Variants in MIA3 observed in about 807,000 individuals in gnomAD.
The protein encoded by MIA3 is MIA SH3 domain ER export factor 3.
MIA3 carries 90 observed loss-of-function variants against 192.4 expected under a neutral mutation model. The observed-to-expected ratio is 0.47, with a 90% confidence interval of 0.39 to 0.56. MIA3 has a LOEUF of 0.56. MIA3 is among the 20% of genes least tolerant of loss of function. MIA3 has a pLI of 0.00. For missense variants in MIA3, 2,123 were observed against 2,269.4 expected, an observed-to-expected ratio of 0.94 and a Z score of 1.31; for synonymous variants, 740 against 792.8, an observed-to-expected ratio of 0.93 and a Z score of 1.12.
At chr1:222,642,398 A>AT (rs1187216980) in intron 6 of MIA3, among the ~76,000 whole-genome samples, 2 of 152,178 alleles carry the variant, frequency 1.3e-5, no homozygotes, top group Non-Finnish European at 2.9e-5. Context: ...AGTATATAAA[A>AT]TTATTTTCTT....
rs760774654 is a variant in MIA3 at position 222,629,736 on chromosome 1, C to T, written c.2516C>T (p.Pro839Leu). ...DFSDSIKIQT[P>L]ELGEVFQNKD... ...TCTGACAGCATAAAAATTCAGACTCCAGAATTAGGTGAAGTGTTTCAGAAT... is the reference window on the plus strand; with the variant it reads ...TCTGACAGCATAAAAATTCAGACTCTAGAATTAGGTGAAGTGTTTCAGAAT... Residue 839 changes from proline (P) to leucine (L), a missense_variant, in exon 4 of 28, where the codon CCA (proline) becomes CTA (leucine). Pro to Leu is a moderately conservative substitution (Grantham distance 98, BLOSUM62 -3). Coordinates refer to ENST00000344922, the MANE Select transcript of MIA3 (RefSeq NM_198551.4). 1 of 1,614,136 alleles carries T rather than the reference C, an allele frequency of 6.2e-7. No individual in the cohort carries two copies. The highest frequency in any genetic ancestry group is 1.7e-5 in the Admixed American group (1 of 60,016).
At chr1:222,647,906 T>C in intron 7 of MIA3, 1 of 375,508 alleles carries the variant, frequency 2.7e-6, no homozygotes, top group East Asian at 7.9e-5. Flanking sequence ...ACTGGAATTA[T>C]TATGTATACA....
chr1:222,664,155 T>A lies in MIA3; in HGVS notation c.5413+7T>A, dbSNP rs1215415390. ...CCACTTCCTCCACCCTTTGGTAAGA[T>A]GATCTGAACAGTAGTAATTGACTTG... On this transcript the variant is annotated splice_region_variant and intron_variant, in intron 27 of 27. Transcript: ENST00000344922. 1.9e-6 allele frequency: 3 copies of A among 1,613,762 alleles called. No individual in the cohort carries two copies. The highest frequency in any genetic ancestry group is 2.2e-5 in the East Asian group (1 of 44,898).
Position 222,628,014 on chromosome 1 carries a change from A to C in MIA3, c.794A>C (p.Lys265Thr). Residue 265 changes from lysine to threonine, a missense_variant, in exon 4 of 28, where the codon AAA becomes ACA. By Grantham distance (78) the Lys-to-Thr change is moderately conservative. Transcript: ENST00000344922. ...GAACAGGATAAGATTGATGCCTATAAACTTTTGAAAAAAGAAATGACTCTA... is the reference window on the plus strand; with the variant it reads ...GAACAGGATAAGATTGATGCCTATACACTTTTGAAAAAAGAAATGACTCTA... ...SNEQDKIDAY[K>T]LLKKEMTLDL... 1 of 1,614,170 alleles carries C rather than the reference A, an allele frequency of 6.2e-7. No individual in the cohort carries two copies. Among genetic ancestry groups the C allele is most frequent in the Non-Finnish European group, 8.5e-7 (1 of 1,180,034 alleles).
intron 6 of MIA3, chr1:222,642,007 AT>A: frequency 3.1e-6 from 1 of 324,048 alleles, no homozygotes; most frequent in Non-Finnish European, 6.0e-6. Context: ...ATGTGGGTGA[AT>A]TTCAAATTAT....
At chr1:222,636,745 C>G (rs182954440) in intron 6 of MIA3, among the ~76,000 whole-genome samples, 14 of 152,226 alleles carry the variant, frequency 9.2e-5, no homozygotes, top group South Asian at 6.2e-4. Context: ...AACTCCTGAC[C>G]TCGTGATCCA....
intron 2 of MIA3, among the ~76,000 whole-genome samples, chr1:222,621,792 C>T (rs947364267): frequency 1.3e-5 from 2 of 149,668 alleles, no homozygotes; most frequent in African/African-American, 4.9e-5. Context: ...TGTTGTTTCT[C>T]GTGTGCTTTC....
Position 222,618,146 on chromosome 1 carries a change from C to G in MIA3, c.36C>G (p.Leu12=). Residue 12 remains leucine (L), a synonymous_variant, in exon 1 of 28, where the codon CTC becomes CTG. Coordinates refer to ENST00000344922, the MANE Select transcript of MIA3 (RefSeq NM_198551.4). ...AAAPGLLVWL[L]VLRLPWRVPG... is the part of the protein sequence containing the mutation. ...CGCCTGGGCTGCTCGTCTGGCTGCT[C>G]GTGCTCCGGCTGCCCTGGCGGGTGC... 4 of 1,508,646 alleles carry G rather than the reference C, an allele frequency of 2.7e-6. No homozygotes were observed. The highest frequency in any genetic ancestry group is 3.5e-6 in the Non-Finnish European group (4 of 1,130,312). The allele number at this position is 1,508,646 out of a possible 1,614,324, so 93.5% of individuals were successfully genotyped here. A position where few individuals can be genotyped will look rare whatever the true frequency, so the allele number is the denominator to read the frequency against.
At chr1:222,646,687 T>G (rs1382283070) in intron 7 of MIA3, among the ~76,000 whole-genome samples, 1 of 150,842 alleles carries the variant, frequency 6.6e-6, no homozygotes, top group Non-Finnish European at 1.5e-5. Context: ...GGGAAGCAGA[T>G]CATGCCACTG....
chr1:222,626,162 G>A (rs187535642), intron 3 of MIA3, among the ~76,000 whole-genome samples: 1 of 152,346 alleles, frequency 6.6e-6, no homozygotes. Flanking sequence ...GAGCGTGCAA[G>A]CTGCTGGGCT....
In MIA3 at chr1:222,654,250, G is replaced by T; in HGVS notation, c.4329G>T (p.Arg1443=). The change falls in exon 16 of 28, where the codon CGG becomes CGT. Residue 1443 remains arginine (R), a synonymous_variant. Transcript: ENST00000344922. ...AAGCCTTTTGTTTTTTAGGTGACCG[G>T]AATGAGAAGATGAAAAATCAAATTA... ...ELANGEVGGD[R]NEKMKNQIKQ... 6.2e-7 allele frequency: 1 copy of T among 1,613,804 alleles called. No homozygotes were observed. Among genetic ancestry groups the T allele is most frequent in the Non-Finnish European group, 8.5e-7 (1 of 1,179,894 alleles).
intron 17 of MIA3, 85 bp downstream of exon 17, chr1:222,654,564 C>T (rs1663608302): frequency 2.6e-6 from 4 of 1,552,336 alleles, no homozygotes; most frequent in Non-Finnish European, 3.5e-6. Context: ...TTCCTGCTTT[C>T]ATACTTCTCA....
At chr1:222,637,600 T>C (rs139900897) in intron 6 of MIA3, among the ~76,000 whole-genome samples, 23 of 152,306 alleles carry the variant, frequency 1.5e-4, no homozygotes, top group Non-Finnish European at 2.5e-4. Context: ...CCAAAGGGTT[T>C]TGTTTTTTTC....
At chr1:222,631,574 A>C (rs1166230164) in intron 4 of MIA3, among the ~76,000 whole-genome samples, 2 of 152,236 alleles carry the variant, frequency 1.3e-5, no homozygotes, top group African/African-American at 2.4e-5. Flanking sequence ...TTGGATAAGA[A>C]GGCAATATTC....
chr1:222,621,256 A>T lies in MIA3; in HGVS notation c.231A>T (p.Lys77Asn). The T allele has an allele frequency of 6.2e-7, 1 of 1,612,896 alleles. No individual in the cohort carries two copies. The highest frequency in any genetic ancestry group is 1.1e-5 in the South Asian group (1 of 90,626). ...GTGATCCTGTATATGTTTACTATAAACTGGCAAGAGGATGGCCTGAAGTTT... is the reference window on the plus strand; with the variant it reads ...GTGATCCTGTATATGTTTACTATAATCTGGCAAGAGGATGGCCTGAAGTTT... ...KKGDPVYVYY[K>N]LARGWPEVWA... Residue 77 changes from lysine to asparagine, a missense_variant, in exon 2 of 28, where the codon AAA (lysine) becomes AAT (asparagine). By Grantham distance (94) the Lys-to-Asn change is moderately conservative. Around this residue, in one of 3 missense-constraint regions of MIA3, gnomAD observed 1,357 missense variants for 1,396.1 expected, o/e 0.97. Coordinates refer to ENST00000344922, the MANE Select transcript of MIA3 (RefSeq NM_198551.4).
intron 2 of MIA3, among the ~76,000 whole-genome samples, chr1:222,623,470 T>G (rs1178798002): frequency 1.3e-5 from 2 of 152,198 alleles, no homozygotes; most frequent in Non-Finnish European, 2.9e-5. Flanking sequence ...CTTAGGAAAT[T>G]AAAAACTCTG....
chr1:222,651,982 A>G lies in MIA3; in HGVS notation c.3915A>G (p.Ser1305=), dbSNP rs377431074. Residue 1305 remains serine, a synonymous_variant, in exon 12 of 28, where the codon TCA becomes TCG. Transcript: ENST00000344922. Reference sequence around the variant, plus strand: ...GTTCTGTTTTTACATGGCAGATATCAGAAAACAAGAAATCTATAGAGAAGT... The same window carrying G: ...GTTCTGTTTTTACATGGCAGATATCGGAAAACAAGAAATCTATAGAGAAGT... ...EQNVKNQDLI[S]ENKKSIEKLK... 111 of 1,549,682 alleles carry G rather than the reference A, an allele frequency of 7.2e-5. No individual in the cohort carries two copies. Among genetic ancestry groups the G allele is most frequent in the Non-Finnish European group, 9.7e-5 (109 of 1,122,164 alleles).
intron 3 of MIA3, 36 bp from the exon 4 acceptor site, chr1:222,627,539 G>A: frequency 6.7e-7 from 1 of 1,488,248 alleles, no homozygotes; most frequent in South Asian, 1.3e-5. Context: ...GTGACACTTG[G>A]CTATTGACAG....
intron 6 of MIA3, chr1:222,641,458 G>C: frequency 2.0e-6 from 1 of 497,604 alleles, no homozygotes. Flanking sequence ...GCTCTGGGCT[G>C]CTGAATCGTC....
Sources: allele counts gnomAD v4.1 joint callset (sites outside exome capture counted in the v4.1 genomes callset), GRCh38; gene constraint gnomAD v4.1.1; regional missense constraint gnomAD v4.1.1; transcripts MANE v1.5; gene names NCBI Gene and HGNC (gene_info 2026-07-23, HGNC 2026-07-21).